Variants in PTPRT observed in about 807,000 individuals in gnomAD.
PTPRT encodes the protein protein tyrosine phosphatase receptor type T.
A neutral mutation model predicts 176.8 loss-of-function variants in PTPRT; 56 were observed. The ratio of observed to expected loss-of-function variants is 0.32; its 90% CI spans 0.26 to 0.40. The LOEUF (loss-of-function observed/expected upper bound fraction) is 0.40, where lower values mean the gene tolerates loss of function less well. Among genes scored for constraint, PTPRT ranks in the 10% least tolerant of loss-of-function variants. The pLI is 1.00. For synonymous variants in PTPRT, 783 were observed against 739.0 expected, an observed-to-expected ratio of 1.06 and a Z score of -0.96; for missense variants, 1,540 against 1,908.2, an observed-to-expected ratio of 0.81 and a Z score of 3.60.
At chr20:42,412,014 AC>A (rs2059023931) in intron 9 of PTPRT, among the ~76,000 whole-genome samples, 1 of 152,202 alleles carries the variant, frequency 6.6e-6, no homozygotes. Context: ...TAGGCCAAGA[AC>A]TTTGAGATAT....
rs531821001 is a variant in PTPRT, at chr20:42,115,132, G to T, written c.3099+67C>A. On this transcript the variant is annotated intron_variant, in intron 22 of 30. Coordinates refer to ENST00000373187, the MANE Select transcript of PTPRT (RefSeq NM_007050.6). ...TAGAGCAGACCCTCAGTTACCACAT[G>T]TTCTGGATGAACAAACAAGCTGGCT... 1.5e-4 allele frequency: 182 copies of T among 1,187,366 alleles called. No individual in the cohort carries two copies. In the Admixed American group the frequency reaches 1.6e-3, roughly 11 times the overall value. The allele number at this position is 1,187,366 out of a possible 1,614,324, so 73.6% of individuals were successfully genotyped here. A position where few individuals can be genotyped will look rare whatever the true frequency, so the allele number is the denominator to read the frequency against.
chr20:42,776,114 C>T (rs1390822436), intron 4 of PTPRT, among the ~76,000 whole-genome samples: 3 of 152,180 alleles, frequency 2.0e-5, no homozygotes, highest in Admixed American at 6.5e-5. Context: ...TCTGTGAGTG[C>T]ACTATCTCCG....
chr20:42,752,809 A>G (rs546208326), intron 6 of PTPRT, among the ~76,000 whole-genome samples: 1 of 152,304 alleles, frequency 6.6e-6, no homozygotes, highest in East Asian at 1.9e-4. Flanking sequence ...GTCATTCTTC[A>G]TCACACAGTT....
At position 42,120,082 on chromosome 20, in the gene PTPRT, A is replaced by G. The variant is rs145089436; in HGVS notation, c.2848-111T>C. The G allele has an allele frequency of 3.9e-4, 364 of 932,212 alleles. No homozygotes were observed. The African/African-American group carries it at 4.9e-3, about 12-fold the overall frequency. The allele number at this position is 932,212 out of a possible 1,614,324, so 57.7% of individuals were successfully genotyped here. On this transcript the variant is annotated intron_variant, in intron 19 of 30. Coordinates refer to ENST00000373187, the MANE Select transcript of PTPRT (RefSeq NM_007050.6). The stretch of plus-strand genomic sequence containing the variant: ...TTGATTTTCTCATGGGCAAAATGAG[A>G]ACAGCATCAGTTATTCCCAGAGAAG...
chr20:42,133,223 T>A (rs1167231971), intron 18 of PTPRT, among the ~76,000 whole-genome samples: 1 of 152,172 alleles, frequency 6.6e-6, no homozygotes, highest in African/African-American at 2.4e-5. Context: ...TAAGCTATGA[T>A]GTTTGTCAGG....
intron 6 of PTPRT, among the ~76,000 whole-genome samples, chr20:42,717,927 T>C (rs2076250029): frequency 6.6e-6 from 1 of 152,170 alleles, no homozygotes; most frequent in Non-Finnish European, 1.5e-5. Context: ...GTTGCTCAAT[T>C]TCACTAGTCA....
At chr20:42,899,496 A>C (rs779006734) in intron 1 of PTPRT, among the ~76,000 whole-genome samples, 4 of 152,220 alleles carry the variant, frequency 2.6e-5, no homozygotes. Flanking sequence ...AATCAAATGC[A>C]AAACAGCCTC....
intron 18 of PTPRT, among the ~76,000 whole-genome samples, chr20:42,136,883 T>C (rs1047504101): frequency 3.3e-5 from 5 of 152,136 alleles, no homozygotes; most frequent in Non-Finnish European, 7.4e-5. Flanking sequence ...TTGTAGCAAG[T>C]TGAGGCTTAA....
intron 9 of PTPRT, among the ~76,000 whole-genome samples, chr20:42,353,608 T>A (rs564409767): frequency 6.6e-6 from 1 of 152,212 alleles, no homozygotes; most frequent in East Asian, 1.9e-4. Context: ...TCTCAACTTC[T>A]GCACTTGCCC....
At chr20:42,604,716 G>C (rs1009045423) in intron 7 of PTPRT, among the ~76,000 whole-genome samples, 1 of 152,154 alleles carries the variant, frequency 6.6e-6, no homozygotes, top group East Asian at 1.9e-4. Context: ...CTTCCTAAGG[G>C]TTTAGAGTTG....
intron 1 of PTPRT, among the ~76,000 whole-genome samples, chr20:43,169,095 T>A (rs1020775250): frequency 1.3e-5 from 2 of 152,162 alleles, no homozygotes; most frequent in South Asian, 4.1e-4. Context: ...CAACCCTCAG[T>A]TCTTGTGCAG....
intron 12 of PTPRT, among the ~76,000 whole-genome samples, chr20:42,312,701 G>A (rs528379588): frequency 1.3e-5 from 2 of 151,886 alleles, no homozygotes; most frequent in African/African-American, 4.8e-5. Context: ...GAGTACATAT[G>A]CATGGTGTGG....
At chr20:42,674,459 T>C (rs2075465511) in intron 7 of PTPRT, among the ~76,000 whole-genome samples, 1 of 152,232 alleles carries the variant, frequency 6.6e-6, no homozygotes, top group African/African-American at 2.4e-5. Flanking sequence ...AAATGTATTA[T>C]ATGATCATCA....
chr20:42,296,795 T>C (rs1460412047), intron 12 of PTPRT, among the ~76,000 whole-genome samples: 1 of 152,180 alleles, frequency 6.6e-6, no homozygotes. Context: ...TAATAATTTA[T>C]TTGTACATTT....
intron 7 of PTPRT, among the ~76,000 whole-genome samples, chr20:42,529,704 C>T (rs1419026684): frequency 6.6e-6 from 1 of 151,960 alleles, no homozygotes; most frequent in Non-Finnish European, 1.5e-5. Flanking sequence ...CCAGGCTGGT[C>T]TCGAACTTCT....
intron 2 of PTPRT, among the ~76,000 whole-genome samples, chr20:42,861,218 G>C (rs1165765603): frequency 1.3e-5 from 2 of 152,130 alleles, no homozygotes; most frequent in African/African-American, 4.8e-5. Flanking sequence ...TTCAGACCCA[G>C]GGTGGTAATG....
chr20:42,735,177 C>T (rs148194452), intron 6 of PTPRT, among the ~76,000 whole-genome samples: 1 of 152,250 alleles, frequency 6.6e-6, no homozygotes, highest in Non-Finnish European at 1.5e-5. Context: ...GGATGAGACA[C>T]AGTTTGGAGG....
chr20:42,642,410 T>C (rs2074778697), intron 7 of PTPRT, among the ~76,000 whole-genome samples: 1 of 152,164 alleles, frequency 6.6e-6, no homozygotes, highest in South Asian at 2.1e-4. Context: ...AGTGACTTAT[T>C]TGTTAAATGG....
intron 1 of PTPRT, among the ~76,000 whole-genome samples, chr20:43,180,906 A>T (rs1318486665): frequency 6.6e-6 from 1 of 152,152 alleles, no homozygotes; most frequent in Non-Finnish European, 1.5e-5. Flanking sequence ...GTGTGAGCTG[A>T]ACCTAGTGAC....
Sources: gnomAD v4.1 joint callset for allele counts (sites outside exome capture counted in the v4.1 genomes callset) on GRCh38, gnomAD v4.1.1 for gene constraint, MANE v1.5 for transcripts, NCBI Gene and HGNC (gene_info 2026-07-23, HGNC 2026-07-21) for gene names.